ESR1: variants seen among roughly 807,000 people sequenced by gnomAD.
ESR1 encodes the protein estrogen receptor 1.
ESR1 carries 12 observed loss-of-function variants against 52.7 expected under a neutral mutation model. The ratio of observed to expected loss-of-function variants is 0.23; its 90% CI spans 0.15 to 0.37. The LOEUF (loss-of-function observed/expected upper bound fraction) is 0.37, where lower values mean the gene tolerates loss of function less well. ESR1 is among the 10% of genes least tolerant of loss of function. The probability of loss-of-function intolerance (pLI) is 1.00; values close to 1 mark genes in which losing one functional copy is unlikely to be tolerated. For missense variants in ESR1, 584 were observed against 779.7 expected (o/e 0.75, Z 2.99); for synonymous variants, 305 against 316.8 (o/e 0.96, Z 0.39).
chr6:151,808,308 G>T lies in ESR1; in HGVS notation c.396G>T (p.Leu132=). ...QPHGQQVPYY[L]ENEPSGYTVR... ...ACGGCCAGCAGGTGCCCTACTACCTGGAGAACGAGCCCAGCGGCTACACGG... is the reference window on the plus strand; with the variant it reads ...ACGGCCAGCAGGTGCCCTACTACCTTGAGAACGAGCCCAGCGGCTACACGG... Residue 132 remains leucine, a synonymous_variant, in exon 1 of 8, where the codon CTG becomes CTT. Coordinates refer to ENST00000206249, the MANE Select transcript of ESR1 (RefSeq NM_000125.4). The T allele has an allele frequency of 6.4e-7, 1 of 1,567,862 alleles. No individual in the cohort carries two copies.
chr6:151,938,390 T>C (rs1480982287), intron 3 of ESR1, among the ~76,000 whole-genome samples: 1 of 152,186 alleles, frequency 6.6e-6, no homozygotes, highest in African/African-American at 2.4e-5. Flanking sequence ...AAAAAACAGA[T>C]GATTAAACAA....
At chr6:151,809,414 G>A (rs1208454082) in intron 1 of ESR1, 1 of 275,770 alleles carries the variant, frequency 3.6e-6, no homozygotes, top group African/African-American at 2.3e-5. Context: ...GATTAGGTGG[G>A]CGCTTCTGGT....
intron 4 of ESR1, among the ~76,000 whole-genome samples, chr6:151,948,553 T>C (rs1327477328): frequency 6.6e-6 from 1 of 152,124 alleles, no homozygotes. Context: ...CATGTCACCT[T>C]AACCACTTCC....
At chr6:151,739,006 A>T (rs1018428010) in intron 2 of ESR1, among the ~76,000 whole-genome samples, 4 of 152,162 alleles carry the variant, frequency 2.6e-5, no homozygotes, top group Admixed American at 6.5e-5. Flanking sequence ...AGGCAGCAGG[A>T]TACTTGCAGC....
intron 2 of ESR1, among the ~76,000 whole-genome samples, chr6:151,865,762 A>G (rs927261249): frequency 6.6e-6 from 1 of 152,162 alleles, no homozygotes; most frequent in African/African-American, 2.4e-5. Context: ...GTTAAGTAGC[A>G]TGTTTAGGCC....
At chr6:152,046,334 G>A (rs943045834) in intron 5 of ESR1, among the ~76,000 whole-genome samples, 1 of 152,188 alleles carries the variant, frequency 6.6e-6, no homozygotes, top group African/African-American at 2.4e-5. Context: ...TGCTGGTCCA[G>A]CGCCTGTTAC....
chr6:151,896,994 G>A (rs1288437135), intron 3 of ESR1, among the ~76,000 whole-genome samples: 1 of 152,140 alleles, frequency 6.6e-6, no homozygotes, highest in Non-Finnish European at 1.5e-5. Flanking sequence ...TGTTTTGGAA[G>A]GTTCCTTTTG....
In ESR1 at chr6:152,098,191, T is replaced by C. The variant is rs2050778799; in HGVS notation, c.1554-541T>C. ...GGCAGGAAGAGCTTGGAGACATGGATGGAAGCTGGACCAGTTGGGCCTTGT... is the reference window on the plus strand; with the variant it reads ...GGCAGGAAGAGCTTGGAGACATGGACGGAAGCTGGACCAGTTGGGCCTTGT... On this transcript the variant is annotated intron_variant, in intron 7 of 7. Coordinates refer to ENST00000206249, the MANE Select transcript of ESR1 (RefSeq NM_000125.4). The surrounding 1 kb of genome is among the most constrained non-coding windows in gnomAD (Gnocchi z 5.1). 6.6e-6 allele frequency among the ~76,000 whole-genome samples: 1 copy of C among 152,028 alleles called. No individual in the cohort carries two copies. Among genetic ancestry groups the C allele is most frequent in the Admixed American group, 6.5e-5 (1 of 15,268 alleles).
chr6:151,884,884 C>A (rs897905183), intron 3 of ESR1, among the ~76,000 whole-genome samples: 1 of 152,086 alleles, frequency 6.6e-6, no homozygotes, highest in Non-Finnish European at 1.5e-5. Context: ...TCCTGAGGCT[C>A]GAAGTTCAAA....
In ESR1 at chr6:151,862,790, A is replaced by T. The variant is rs367888371; in HGVS notation, c.644-17865A>T. On this transcript the variant is annotated intron_variant, in intron 2 of 7. Coordinates refer to ENST00000206249, the MANE Select transcript of ESR1 (RefSeq NM_000125.4). ...AACTGTAGTAGTTTTCTCTTGCTTA[A>T]CAAGGTTCTAGTGGTGAAGTTTATT... Among the ~76,000 whole-genome samples, 17 of 152,292 alleles carry T rather than the reference A, an allele frequency of 1.1e-4. No homozygotes were observed. In the South Asian group the frequency reaches 3.5e-3, roughly 32 times the overall value.
intron 1 of ESR1, among the ~76,000 whole-genome samples, chr6:151,666,388 AG>A (rs35297768): frequency 6.6e-6 from 1 of 152,172 alleles, no homozygotes; most frequent in South Asian, 2.1e-4. Flanking sequence ...CCATTTCTAC[AG>A]GGAAAAGTGC....
chr6:151,873,130 T>C (rs1370552365), intron 2 of ESR1, among the ~76,000 whole-genome samples: 1 of 152,204 alleles, frequency 6.6e-6, no homozygotes, highest in African/African-American at 2.4e-5. Flanking sequence ...CATTCTTGAA[T>C]GAAGAGCTTG....
chr6:151,689,451 C>G (rs141122337), upstream of ESR1, among the ~76,000 whole-genome samples: 1,463 of 152,278 alleles, frequency 9.6e-3, 18 homozygotes, highest in African/African-American at 0.033. Context: ...GTGTCCTGCT[C>G]TATGTATTCT....
intron 3 of ESR1, among the ~76,000 whole-genome samples, chr6:151,924,558 G>T (rs921461005): frequency 2.0e-5 from 3 of 152,086 alleles, no homozygotes; most frequent in African/African-American, 7.2e-5. Context: ...GTTCTTGATA[G>T]TTCTTTTTCC....
chr6:151,715,724 G>A (rs944367358), intron 2 of ESR1, among the ~76,000 whole-genome samples: 3 of 152,152 alleles, frequency 2.0e-5, no homozygotes, highest in African/African-American at 4.8e-5. Context: ...ATTGTAGTTA[G>A]CAATTCCTCT....
rs553092206 is a variant in ESR1, at chr6:152,018,863, A to T, written c.1235+7069A>T. ...GAAAAAAAAAAGGAAGCCAACACTT[A>T]CTTAACTGCTTTAATGTATAGGACT... On this transcript the variant is annotated intron_variant, in intron 5 of 7. Coordinates refer to ENST00000206249, the MANE Select transcript of ESR1 (RefSeq NM_000125.4). Among the ~76,000 whole-genome samples the T allele has an allele frequency of 6.1e-4, 92 of 151,952 alleles. 2 individuals are homozygous for T. In the South Asian group the frequency reaches 0.019, roughly 31 times the overall value.
At chr6:151,873,849 C>T (rs1215067398) in intron 2 of ESR1, among the ~76,000 whole-genome samples, 2 of 152,116 alleles carry the variant, frequency 1.3e-5, no homozygotes, top group African/African-American at 4.8e-5. Context: ...TTCCTGGATG[C>T]TTCAAAATGT....
chr6:151,958,680 C>T (rs1428927730), intron 4 of ESR1, among the ~76,000 whole-genome samples: 4 of 152,132 alleles, frequency 2.6e-5, no homozygotes, highest in African/African-American at 9.7e-5. Flanking sequence ...TGTTATAGAT[C>T]AAAATGCACA....
chr6:152,047,538 G>T (rs2046321515), intron 5 of ESR1, among the ~76,000 whole-genome samples: 1 of 152,118 alleles, frequency 6.6e-6, no homozygotes, highest in Non-Finnish European at 1.5e-5. Context: ...GGTTTTGTGT[G>T]CACAAGAGCT....
Sources: gnomAD v4.1 joint callset for allele counts (sites outside exome capture counted in the v4.1 genomes callset) on GRCh38, gnomAD v4.1.1 for gene constraint, Gnocchi (gnomAD v3.1) non-coding constraint, MANE v1.5 for transcripts, NCBI Gene and HGNC (gene_info 2026-07-23, HGNC 2026-07-21) for gene names.